Variants in NAV1 observed in about 807,000 individuals in gnomAD.
NAV1 encodes pore membrane and/or filament interacting like protein 3.
Under a neutral mutation model 175.2 loss-of-function variants are expected in NAV1, and 18 were observed. The ratio of observed to expected loss-of-function variants is 0.10; its 90% CI spans 0.07 to 0.15. NAV1 has a LOEUF of 0.15. Among genes scored for constraint, NAV1 ranks in the 10% least tolerant of loss-of-function variants. The pLI is 1.00. For synonymous variants in NAV1, 897 were observed against 978.7 expected (o/e 0.92, Z 1.56); for missense variants, 1,731 against 2,436.6 (o/e 0.71, Z 6.10).
intron 3 of NAV1, among the ~76,000 whole-genome samples, chr1:201,760,782 A>C (rs239978): frequency 0.92 from 140,367 of 152,192 alleles, 65,448 homozygotes; most frequent in Non-Finnish European, 1. Context: ...GTGTCACATA[A>C]CTTGCCCGTA....
chr1:201,643,269 C>T (rs1457712290), upstream of NAV1, among the ~76,000 whole-genome samples: 11 of 142,926 alleles, frequency 7.7e-5, no homozygotes, highest in South Asian at 2.5e-3. Context: ...TTCCTTCCCT[C>T]CCTCTCTTTC....
At chr1:201,556,000 C>T (rs569755404) in intron 1 of NAV1, among the ~76,000 whole-genome samples, 5 of 152,134 alleles carry the variant, frequency 3.3e-5, no homozygotes, top group East Asian at 1.9e-4. Context: ...ATTTCAGGTC[C>T]GAAAGTGGGG....
At chr1:201,614,090 C>T (rs555221204) in intron 2 of NAV1, among the ~76,000 whole-genome samples, 137 of 152,124 alleles carry the variant, frequency 9.0e-4, no homozygotes, top group Non-Finnish European at 1.5e-3. Flanking sequence ...GTTCTGGCTC[C>T]AGGACCTCTG....
chr1:201,661,305 A>G (rs1197491232), intron 1 of NAV1, among the ~76,000 whole-genome samples: 1 of 152,182 alleles, frequency 6.6e-6, no homozygotes, highest in African/African-American at 2.4e-5. Flanking sequence ...GAGAGTCAGT[A>G]TCTGCCAAGT....
chr1:201,701,412 T>TA (rs969642968), intron 1 of NAV1, among the ~76,000 whole-genome samples: 5 of 63,460 alleles, frequency 7.9e-5, no homozygotes, highest in East Asian at 5.6e-4. Flanking sequence ...TAAAGTATAA[T>TA]AAAAAAAATA....
rs936278694 is a variant in NAV1 at position 201,629,306 on chromosome 1, G to A, written c.-100-98G>A. The A allele has an allele frequency of 2.4e-5, 20 of 825,890 alleles. No individual in the cohort carries two copies. The African/African-American group carries it at 3.4e-4, about 14-fold the overall frequency. The allele number at this position is 825,890 out of a possible 1,614,324, so 51.2% of individuals were successfully genotyped here. On this transcript the variant is annotated intron_variant, in intron 1 of 29. Transcript: ENST00000367302. The stretch of plus-strand genomic sequence containing the variant: ...AGTGGTGCAGGGCACTATCAGAGAA[G>A]AAGAACCAAGTTCTAAGAGGGTTTT...
intron 1 of NAV1, among the ~76,000 whole-genome samples, chr1:201,690,444 C>CT: frequency 1.1e-5 from 1 of 94,116 alleles, no homozygotes; most frequent in Non-Finnish European, 2.2e-5. Flanking sequence ...CAGAGTATGT[C>CT]TATTTCCTCT....
At chr1:201,612,685 TAATCTCCTCCCA>T (rs1479482857) in intron 2 of NAV1, among the ~76,000 whole-genome samples, 1 of 152,188 alleles carries the variant, frequency 6.6e-6, no homozygotes, top group Non-Finnish European at 1.5e-5. Context: ...CCTCATGACC[TAATCTCCTCCCA>T]AAGGCCCACC....
chr1:201,574,297 TGAC>T (rs1666630654), intron 1 of NAV1, among the ~76,000 whole-genome samples: 1 of 152,084 alleles, frequency 6.6e-6, no homozygotes, highest in Admixed American at 6.5e-5. Context: ...TGGGGAGTGT[TGAC>T]GAGAGAGACA....
At chr1:201,790,556 T>C (rs551214695) in exon 12 of NAV1, 1 of 1,614,144 alleles carries the variant, frequency 6.2e-7, no homozygotes, top group East Asian at 2.2e-5. Context: ...TTCTTCAGGC[T>C]GAGGAGAGGA....
intron 1 of NAV1, among the ~76,000 whole-genome samples, chr1:201,659,834 C>T (rs961564084): frequency 6.6e-6 from 1 of 152,150 alleles, no homozygotes; most frequent in African/African-American, 2.4e-5. Context: ...GTGAGGGTTT[C>T]CCTTCTCCTA....
rs1394527086 is a variant in NAV1 at position 201,791,928 on chromosome 1, G to C, written c.3321+1162G>C. 3 of 152,102 alleles carry C rather than the reference G, an allele frequency of 2.0e-5. No homozygotes were observed. In the East Asian group the frequency reaches 5.8e-4, roughly 29 times the overall value. 9.4% of individuals were successfully genotyped at this position (152,102 alleles called of 1,614,324 possible). On this transcript the variant is annotated intron_variant, in intron 13 of 29. Coordinates refer to ENST00000367296, the Ensembl canonical transcript of NAV1. Reference sequence around the variant, plus strand: ...CCACACCCACCAAAGCAAATGGCCTGGGTCACGTCCTGCACACCCCAGGAA... The same window carrying C: ...CCACACCCACCAAAGCAAATGGCCTCGGTCACGTCCTGCACACCCCAGGAA...
intron 29 of NAV1, among the ~76,000 whole-genome samples, 187 bp downstream of exon 33, chr1:201,817,472 T>TA (rs951970368): frequency 6.0e-5 from 9 of 150,944 alleles, no homozygotes; most frequent in African/African-American, 9.8e-5. Flanking sequence ...AAAAATAAGT[T>TA]AAAAAAAAAC....
At chr1:201,809,686 T>A in intron 22 of NAV1, 149 bp downstream of exon 26, 1 of 795,392 alleles carries the variant, frequency 1.3e-6, no homozygotes, top group Non-Finnish European at 2.0e-6. Context: ...TGGGCTTAAG[T>A]AATTCTCCTG....
intron 2 of NAV1, among the ~76,000 whole-genome samples, chr1:201,608,387 C>T (rs1667751105): frequency 6.6e-6 from 1 of 152,206 alleles, no homozygotes; most frequent in Non-Finnish European, 1.5e-5. Flanking sequence ...CAGTGGACCC[C>T]ACCTCAGATG....
chr1:201,606,249 G>A (rs1667672522), intron 2 of NAV1, among the ~76,000 whole-genome samples: 1 of 152,156 alleles, frequency 6.6e-6, no homozygotes, highest in Non-Finnish European at 1.5e-5. Flanking sequence ...CCTTGTGAAG[G>A]CAAGGACTTG....
intron 15 of NAV1, among the ~76,000 whole-genome samples, chr1:201,802,473 A>G (rs113879718): frequency 0.027 from 3,049 of 113,076 alleles, 146 homozygotes; most frequent in African/African-American, 0.087. Context: ...AAAAAAAAAA[A>G]AAAGAAAGAA....
chr1:201,703,415 T>C (rs1204378976), intron 1 of NAV1, among the ~76,000 whole-genome samples: 3 of 152,142 alleles, frequency 2.0e-5, no homozygotes, highest in Non-Finnish European at 2.9e-5. Context: ...CTATAACCTA[T>C]CATTCTGATC....
At position 201,750,635 on chromosome 1, in the gene NAV1, A is replaced by T. The variant is rs1015395780; in HGVS notation, c.1227-29786A>T. On this transcript the variant is annotated intron_variant, in intron 3 of 29. Coordinates refer to ENST00000367296, the Ensembl canonical transcript of NAV1. This position sits in a 1 kb window ranked among gnomAD's most constrained non-coding sequence, Gnocchi z 4.1. ...AGGACATATTTTTAGTGCTCAAGTCATAGCTTGTATTTACTCATTTTCAAC... is the reference window on the plus strand; with the variant it reads ...AGGACATATTTTTAGTGCTCAAGTCTTAGCTTGTATTTACTCATTTTCAAC... 6.6e-6 allele frequency among the ~76,000 whole-genome samples: 1 copy of T among 152,148 alleles called. No homozygotes were observed. Among genetic ancestry groups the T allele is most frequent in the South Asian group, 2.1e-4 (1 of 4,820 alleles).
Sources: allele counts gnomAD v4.1 joint callset (sites outside exome capture counted in the v4.1 genomes callset), GRCh38; gene constraint gnomAD v4.1.1; non-coding constraint Gnocchi (gnomAD v3.1); transcripts MANE v1.5; gene names NCBI Gene and HGNC (gene_info 2026-07-23, HGNC 2026-07-21).